The following RNF111 variants were observed in gnomAD, a reference collection of about 807,000 sequenced individuals.
RNF111 encodes ring finger protein 111.
In RNF111, 17 loss-of-function variants were observed where a neutral mutation model predicts 95.1. The observed-to-expected ratio is 0.18, with a 90% CI of 0.12 to 0.27. The LOEUF is 0.27. Among genes scored for constraint, RNF111 ranks in the 10% least tolerant of loss-of-function variants. The pLI is 1.00. For missense variants in RNF111, 1,189 were observed against 1,210.4 expected (o/e 0.98, Z 0.26); for synonymous variants, 440 against 414.8 (o/e 1.06, Z -0.74).
intron 6 of RNF111, among the ~76,000 whole-genome samples, chr15:59,075,649 T>C (rs1359943625): frequency 3.3e-5 from 5 of 152,340 alleles, no homozygotes; most frequent in African/African-American, 1.2e-4. Flanking sequence ...GTATTTGTTA[T>C]AAGACAAAAA....
chr15:59,034,135 CT>C (rs1236331908), intron 2 of RNF111, among the ~76,000 whole-genome samples: 3 of 152,124 alleles, frequency 2.0e-5, no homozygotes, highest in Non-Finnish European at 4.4e-5. Context: ...TAATGTGGCT[CT>C]TTTTATATCA....
intron 3 of RNF111, among the ~76,000 whole-genome samples, chr15:59,053,484 T>C (rs535928233): frequency 6.6e-6 from 1 of 152,354 alleles, no homozygotes; most frequent in South Asian, 2.1e-4. Context: ...ATATTCATAT[T>C]TCTGACATCT....
At chr15:59,016,277 C>A (rs1161341320) in intron 1 of RNF111, among the ~76,000 whole-genome samples, 2 of 151,762 alleles carry the variant, frequency 1.3e-5, no homozygotes, top group African/African-American at 2.4e-5. Flanking sequence ...TCAAGCGATT[C>A]TCCTGCCTCA....
rs751686605 is a variant in RNF111, at chr15:59,067,109, C to CT, written c.1686+29dup. On this transcript the variant is annotated intron_variant, in intron 6 of 13. Transcript: ENST00000348370. The stretch of plus-strand genomic sequence containing the variant: ...GTATGTGGAATTTGAGTCAGTCTTT[C>CT]TTTCCTGCCCCTCTTGTCTCTCTCT... 189 of 1,573,618 alleles carry CT rather than the reference C, an allele frequency of 1.2e-4. 2 individuals are homozygous for CT. In the South Asian group the frequency reaches 2.1e-3, roughly 17 times the overall value.
intron 10 of RNF111, among the ~76,000 whole-genome samples, chr15:59,087,736 G>A (rs1007513195): frequency 6.6e-6 from 1 of 151,952 alleles, no homozygotes; most frequent in Admixed American, 6.6e-5. Context: ...CTGTCTCTGG[G>A]GTGGCAGAGG....
chr15:59,081,511 A>G (rs1328188598), intron 8 of RNF111, among the ~76,000 whole-genome samples: 1 of 151,024 alleles, frequency 6.6e-6, no homozygotes, highest in Non-Finnish European at 1.5e-5. Flanking sequence ...TAAAAAAAGA[A>G]CAAAGAACAG....
intron 1 of RNF111, among the ~76,000 whole-genome samples, chr15:59,023,779 C>T (rs757544363): frequency 2.0e-5 from 3 of 152,108 alleles, no homozygotes; most frequent in Non-Finnish European, 4.4e-5. Flanking sequence ...TCACTATTAA[C>T]CATCAGTTTT....
At chr15:59,004,696 A>G (rs1358944229) in intron 1 of RNF111, among the ~76,000 whole-genome samples, 4 of 152,228 alleles carry the variant, frequency 2.6e-5, no homozygotes, top group African/African-American at 4.8e-5. Context: ...GTCAAAGATA[A>G]CCTTGGAAAT....
Position 59,030,955 on chromosome 15 carries a change from G to A in RNF111, c.133G>A (p.Ala45Thr), listed in dbSNP as rs1317943071. ...CCTTTTGCATCCAGAGCCCATTGGG[G>A]CAGCCAAAAGTTTTCCTGCAGGAGT... is the stretch of plus-strand genomic sequence containing the variant. ...GILLHPEPIG[A>T]AKSFPAGVEM... Residue 45 changes from alanine to threonine, a missense_variant, in exon 2 of 14, where the codon GCA (alanine) becomes ACA (threonine). Around this residue, in one of 2 missense-constraint regions of RNF111, gnomAD observed 1,024 missense variants for 925.9 expected, o/e 1.11. Coordinates refer to ENST00000348370, the MANE Select transcript of RNF111 (RefSeq NM_017610.8). The A allele has an allele frequency of 1.9e-6, 3 of 1,614,178 alleles. No individual in the cohort carries two copies. The African/African-American group carries it at 4.0e-5, about 22-fold the overall frequency.
chr15:59,070,952 A>G (rs754845349), intron 6 of RNF111, among the ~76,000 whole-genome samples: 40 of 152,084 alleles, frequency 2.6e-4, no homozygotes, highest in Admixed American at 5.2e-4. Context: ...CTTTCATCAC[A>G]TTTTGAAAAG....
At chr15:59,041,959 A>ATTTTTTTTTTTTTTT (rs775444330) in intron 2 of RNF111, among the ~76,000 whole-genome samples, 4 of 108,460 alleles carry the variant, frequency 3.7e-5, no homozygotes, top group Non-Finnish European at 3.7e-5. Flanking sequence ...CAGTCTGTTC[A>ATTTTTTTTTTTTTTT]TATTTTTTTT....
chr15:59,070,805 G>A (rs1190551497), intron 6 of RNF111, among the ~76,000 whole-genome samples: 1 of 152,042 alleles, frequency 6.6e-6, no homozygotes, highest in East Asian at 1.9e-4. Flanking sequence ...GAATGCTGTG[G>A]TTCCTCTCGG....
At chr15:59,081,531 C>CAA (rs139290644) in intron 8 of RNF111, among the ~76,000 whole-genome samples, 1 of 150,948 alleles carries the variant, frequency 6.6e-6, no homozygotes, top group African/African-American at 2.4e-5. Flanking sequence ...GCAACAACAA[C>CAA]AAAAAAAACC....
chr15:59,002,837 CTT>C (rs1287632134), intron 1 of RNF111, among the ~76,000 whole-genome samples: 1 of 152,118 alleles, frequency 6.6e-6, no homozygotes, highest in Non-Finnish European at 1.5e-5. Flanking sequence ...GTCACATAGT[CTT>C]TCCTATTTTT....
intron 2 of RNF111, among the ~76,000 whole-genome samples, chr15:59,048,524 TGTG>T (rs1261247786): frequency 3.3e-5 from 5 of 152,282 alleles, no homozygotes; most frequent in African/African-American, 1.2e-4. Flanking sequence ...TAAACTGGAT[TGTG>T]GTGATGATTA....
chr15:59,075,612 A>T (rs1201946587), intron 6 of RNF111, among the ~76,000 whole-genome samples: 4 of 152,204 alleles, frequency 2.6e-5, no homozygotes, highest in Non-Finnish European at 5.9e-5. Flanking sequence ...GAGAATATAG[A>T]AGTATGATTT....
chr15:58,990,517 G>T (rs143562149), intron 1 of RNF111, among the ~76,000 whole-genome samples: 1 of 152,178 alleles, frequency 6.6e-6, no homozygotes, highest in African/African-American at 2.4e-5. Flanking sequence ...GAGCTTAGTG[G>T]TGTGCGCCTG....
At chr15:59,027,872 C>T (rs2040701181) in intron 1 of RNF111, among the ~76,000 whole-genome samples, 1 of 149,654 alleles carries the variant, frequency 6.7e-6, no homozygotes, top group African/African-American at 2.5e-5. Context: ...GTTGTCCAAG[C>T]TGGAGTGCAG....
intron 3 of RNF111, 138 bp downstream of exon 3, chr15:59,052,569 ATTTTTTT>A (rs768761060): frequency 1.5e-4 from 37 of 249,176 alleles, no homozygotes; most frequent in African/African-American, 3.1e-4. Flanking sequence ...AGATTAGTGG[ATTTTTTT>A]TTTTTTTTTT....
Sources: allele counts gnomAD v4.1 joint callset (sites outside exome capture counted in the v4.1 genomes callset), GRCh38; gene constraint gnomAD v4.1.1; regional missense constraint gnomAD v4.1.1; transcripts MANE v1.5; gene names NCBI Gene and HGNC (gene_info 2026-07-23, HGNC 2026-07-21).